Variants in TIRAP observed in about 807,000 individuals in gnomAD.
TIRAP encodes TIR domain containing adaptor protein.
Under a neutral mutation model 19.8 loss-of-function variants are expected in TIRAP, and 20 were observed. That is an observed-to-expected ratio of 1.01 (90% CI 0.71 to 1.47). The LOEUF is 1.47. Ranked by LOEUF, TIRAP falls within the 40% of genes most tolerant of loss-of-function variation. TIRAP has a pLI of 0.00. For missense variants in TIRAP, 276 were observed against 285.1 expected (o/e 0.97, Z 0.23); for synonymous variants, 125 against 121.7 (o/e 1.03, Z -0.18).
Position 126,290,566 on chromosome 11 carries a change from T to A in TIRAP, c.-112T>A. ...GAGCAGAGAACAGTTCCTCAGCTGG[T>A]CATGCTGAGCTCATACCCTGTAAGT... On this transcript the variant is annotated 5_prime_UTR_variant, in exon 2 of 5. Coordinates refer to ENST00000392679, the MANE Select transcript of TIRAP (RefSeq NM_001318777.2). This position sits in a 1 kb window ranked among gnomAD's most constrained non-coding sequence, Gnocchi z 4.9. The A allele has an allele frequency of 3.8e-6, 4 of 1,060,608 alleles. No individual in the cohort carries two copies. The highest frequency in any genetic ancestry group is 4.5e-6 in the Non-Finnish European group (4 of 879,594). The allele number at this position is 1,060,608 out of a possible 1,614,324, so 65.7% of individuals were successfully genotyped here.
Position 126,291,207 on chromosome 11 carries a change from C to A in TIRAP, c.67+246C>A. 1 of 613,550 alleles carries A rather than the reference C, an allele frequency of 1.6e-6. No homozygotes were observed. Among genetic ancestry groups the A allele is most frequent in the Non-Finnish European group, 2.8e-6 (1 of 359,546 alleles). The allele number at this position is 613,550 out of a possible 1,614,324, so 38.0% of individuals were successfully genotyped here. The stretch of plus-strand genomic sequence containing the variant: ...TTTCCAGGCCTGCTCAGCTAGCTTT[C>A]CTAGCCTGGAAACCACTGTGCTGAG... On this transcript the variant is annotated intron_variant, in intron 3 of 4. Transcript: ENST00000392679. This position sits in a 1 kb window ranked among gnomAD's most constrained non-coding sequence, Gnocchi z 5.6.
At chr11:126,283,630 G>A (rs998433864) in intron 1 of TIRAP, among the ~76,000 whole-genome samples, 1 of 152,212 alleles carries the variant, frequency 6.6e-6, no homozygotes, top group South Asian at 2.1e-4. Flanking sequence ...CTACACACGG[G>A]CTGGGCAGCC....
intron 1 of TIRAP, among the ~76,000 whole-genome samples, chr11:126,284,033 C>T (rs28491696): frequency 8.0e-5 from 9 of 113,152 alleles, no homozygotes; most frequent in East Asian, 2.7e-4. Context: ...TCATGTACTT[C>T]TTTTTTTTTT....
intron 1 of TIRAP, among the ~76,000 whole-genome samples, 199 bp downstream of exon 1, chr11:126,283,352 C>T (rs1477680918): frequency 6.6e-6 from 1 of 152,228 alleles, no homozygotes; most frequent in African/African-American, 2.4e-5. Context: ...CCGCAACACG[C>T]AAGCGGCATG....
Position 126,290,625 on chromosome 11 carries a change from A to C in TIRAP, c.-93+40A>C. 8.0e-7 allele frequency: 1 copy of C among 1,246,204 alleles called. No individual in the cohort carries two copies. Among genetic ancestry groups the C allele is most frequent in the Non-Finnish European group, 1.0e-6 (1 of 995,490 alleles). The allele number at this position is 1,246,204 out of a possible 1,614,324, so 77.2% of individuals were successfully genotyped here. On this transcript the variant is annotated intron_variant, in intron 2 of 4. Coordinates refer to ENST00000392679, the MANE Select transcript of TIRAP (RefSeq NM_001318777.2). The surrounding 1 kb of genome is among the most constrained non-coding windows in gnomAD (Gnocchi z 4.9). ...ACTACACAGCTTTGGCTTTATCTAG[A>C]ATCCAGCTCCAATCACAGTCGTGTC...
chr11:126,293,642 A>T (rs756558444), intron 4 of TIRAP, 26 bp from the exon 5 acceptor site: 1 of 1,613,564 alleles, frequency 6.2e-7, no homozygotes, highest in Non-Finnish European at 8.5e-7. Flanking sequence ...GGGAGGTGTG[A>T]CAACGCTGTG....
chr11:126,293,179 G>A, intron 4 of TIRAP, 124 bp downstream of exon 4: 1 of 1,547,382 alleles, frequency 6.5e-7, no homozygotes, highest in Non-Finnish European at 8.7e-7. Flanking sequence ...AAGGCTGTCG[G>A]GGTTTGTATC....
Position 126,290,902 on chromosome 11 carries a change from C to G in TIRAP, c.8C>G (p.Ser3Ter). 6 of 1,605,696 alleles carry G rather than the reference C, an allele frequency of 3.7e-6. No homozygotes were observed. Among genetic ancestry groups the G allele is most frequent in the Non-Finnish European group, 5.1e-6 (6 of 1,175,500 alleles). ...AGTTTTGACCCCCACGCTATGGCATCATCGACCTCCCTCCCAGCTCCTGGC... is the reference window on the plus strand; with the variant it reads ...AGTTTTGACCCCCACGCTATGGCATGATCGACCTCCCTCCCAGCTCCTGGC... MA[S>*]STSLPAPGSR... The change falls in exon 3 of 5, where the codon TCA (serine) becomes TGA (stop). Residue 3 changes from serine to a stop codon, truncating the protein, a stop_gained. Coordinates refer to ENST00000392679, the MANE Select transcript of TIRAP (RefSeq NM_001318777.2). LOFTEE classifies it high-confidence loss of function. The surrounding 1 kb of genome is among the most constrained non-coding windows in gnomAD (Gnocchi z 4.9).
chr11:126,292,930 G>A lies in TIRAP; in HGVS notation c.521G>A (p.Cys174Tyr). ...ALTEAPGAEG[C>Y]TIPLLSGLSR... ...ACCGAGGCTCCAGGGGCCGAGGGCT[G>A]CACCATCCCCCTGCTGTCGGGCCTC... is the stretch of plus-strand genomic sequence containing the variant. Residue 174 changes from cysteine to tyrosine, a missense_variant, in exon 4 of 5, where the codon TGC (cysteine) becomes TAC (tyrosine). By Grantham distance (194) the Cys-to-Tyr change is radical. Coordinates refer to ENST00000392679, the MANE Select transcript of TIRAP (RefSeq NM_001318777.2). The A allele has an allele frequency of 6.2e-7, 1 of 1,613,970 alleles. No homozygotes were observed. The highest frequency in any genetic ancestry group is 8.5e-7 in the Non-Finnish European group (1 of 1,179,950).
rs1951448521 is a variant in TIRAP at position 126,294,484 on chromosome 11, TGCTGTGACATCTGGGA to T, written c.*801_*816del. ...TCACCTGAGATCACAAGCCCATGGA[TGCTGTGACATCTGGGA>T]GCTTCATCAGTGGTCTGGCTAAAGC... On this transcript the variant is annotated 3_prime_UTR_variant, in exon 5 of 5. Coordinates refer to ENST00000392679, the MANE Select transcript of TIRAP (RefSeq NM_001318777.2). 4.4e-6 allele frequency: 2 copies of T among 456,022 alleles called. No homozygotes were observed. The highest frequency in any genetic ancestry group is 8.8e-6 in the Non-Finnish European group (2 of 226,912). The allele number at this position is 456,022 out of a possible 1,614,324, so 28.2% of individuals were successfully genotyped here.
chr11:126,290,721 C>G lies in TIRAP; in HGVS notation c.-92-82C>G. ...CCTCTGTCAGGCATTAGGAGAGAAA[C>G]AGAACTTCGCAGAGCTCATCCATGG... On this transcript the variant is annotated intron_variant, in intron 2 of 4. Coordinates refer to ENST00000392679, the MANE Select transcript of TIRAP (RefSeq NM_001318777.2). The surrounding 1 kb of genome is among the most constrained non-coding windows in gnomAD (Gnocchi z 4.9). 7.2e-7 allele frequency: 1 copy of G among 1,385,938 alleles called. No individual in the cohort carries two copies. Among genetic ancestry groups the G allele is most frequent in the South Asian group, 1.7e-5 (1 of 57,236 alleles). 85.9% of individuals were successfully genotyped at this position (1,385,938 alleles called of 1,614,324 possible). A position where few individuals can be genotyped will look rare whatever the true frequency, so the allele number is the denominator to read the frequency against.
At chr11:126,283,211 G>A (rs1951275886) in intron 1 of TIRAP, 58 bp downstream of exon 1, 6 of 923,480 alleles carry the variant, frequency 6.5e-6, no homozygotes, top group Admixed American at 1.2e-4. Flanking sequence ...CCGTGGGGTG[G>A]GCGACGGAGC....
chr11:126,292,338 C>A, intron 3 of TIRAP, 139 bp from the exon 4 acceptor site: 1 of 803,938 alleles, frequency 1.2e-6, no homozygotes, highest in Non-Finnish European at 1.9e-6. Context: ...CAACAGGTCT[C>A]TGAGAATAAG....
intron 1 of TIRAP, among the ~76,000 whole-genome samples, chr11:126,284,195 G>A (rs1951290066): frequency 6.6e-6 from 1 of 151,892 alleles, no homozygotes; most frequent in Non-Finnish European, 1.5e-5. Flanking sequence ...CACCACGCCC[G>A]GCTAATTGTT....
At chr11:126,283,297 C>A in intron 1 of TIRAP, 144 bp downstream of exon 1, 1 of 310,152 alleles carries the variant, frequency 3.2e-6, no homozygotes, top group Non-Finnish European at 4.7e-6. Context: ...TCCGGCCTTG[C>A]CCTGCTGGCG....
intron 1 of TIRAP, 103 bp downstream of exon 1, chr11:126,283,256 C>A (rs954500364): frequency 2.7e-4 from 174 of 651,068 alleles, no homozygotes; most frequent in Non-Finnish European, 3.1e-4. Flanking sequence ...CCGGCCCCAC[C>A]GAGAGCCGCA....
Position 126,293,769 on chromosome 11 carries a change from T to C in TIRAP, c.*82T>C. 1.3e-6 allele frequency: 2 copies of C among 1,500,788 alleles called. No individual in the cohort carries two copies. The highest frequency in any genetic ancestry group is 1.9e-6 in the Non-Finnish European group (2 of 1,076,724). 93.0% of individuals were successfully genotyped at this position (1,500,788 alleles called of 1,614,324 possible). ...ATGCAGGGCCTCGGATTCCCACAAA[T>C]GTGACAAGAGGTATAGGGAGTGAGT... On this transcript the variant is annotated 3_prime_UTR_variant, in exon 5 of 5. Transcript: ENST00000392679.
Position 126,292,837 on chromosome 11 carries a change from G to T in TIRAP, c.428G>T (p.Arg143Leu), listed in dbSNP as rs199917692. 1.9e-6 allele frequency: 3 copies of T among 1,612,644 alleles called. No homozygotes were observed. Among genetic ancestry groups the T allele is most frequent in the African/African-American group, 2.7e-5 (2 of 74,918 alleles). Residue 143 changes from arginine (R) to leucine (L), a missense_variant, in exon 4 of 5, where the codon CGG becomes CTG. Physicochemically the swap from Arg to Leu is moderately radical, Grantham distance 102 (BLOSUM62 -2). Coordinates refer to ENST00000392679, the MANE Select transcript of TIRAP (RefSeq NM_001318777.2). ...LCQALSSSHC[R>L]VLLITPGFLQ... ...CAGGCACTGAGCAGTAGTCACTGCC[G>T]GGTGCTGCTCATCACGCCGGGCTTC...
rs1951287492 is a variant in TIRAP at position 126,284,034 on chromosome 11, T to TC, written c.-217+881_-217+882insC. Among the ~76,000 whole-genome samples the TC allele has an allele frequency of 1.1e-4, 3 of 26,708 alleles. No homozygotes were observed. In the Admixed American group the frequency reaches 1.8e-3, roughly 16 times the overall value. The allele number at this position is 26,708 out of a possible 152,430, so 17.5% of individuals were successfully genotyped here. On this transcript the variant is annotated intron_variant, in intron 1 of 4. Coordinates refer to ENST00000392679, the MANE Select transcript of TIRAP (RefSeq NM_001318777.2). ...CATGGAATCATATATCATGTACTTC[T>TC]TTTTTTTTTTTTTTTTTTTGAGATG...
Sources: gnomAD v4.1 joint callset for allele counts (sites outside exome capture counted in the v4.1 genomes callset) on GRCh38, gnomAD v4.1.1 for gene constraint, Gnocchi (gnomAD v3.1) non-coding constraint, MANE v1.5 for transcripts, NCBI Gene and HGNC (gene_info 2026-07-23, HGNC 2026-07-21) for gene names.